Variants in M1AP observed in about 807,000 individuals in gnomAD.
The protein encoded by M1AP is meiosis 1 associated protein.
In M1AP, 39 loss-of-function variants were observed where a neutral mutation model predicts 51.2. That is an observed-to-expected ratio of 0.76 (90% CI 0.59 to 1.00). M1AP has a LOEUF of 1.00. Among genes scored for constraint, M1AP ranks in the 50% least tolerant of loss-of-function variants. The pLI is 0.00. For missense variants in M1AP, 545 were observed against 641.2 expected, an observed-to-expected ratio of 0.85 and a Z score of 1.62; for synonymous variants, 251 against 249.2, an observed-to-expected ratio of 1.01 and a Z score of -0.07.
At chr2:74,588,988 A>G (rs1049252946) in intron 4 of M1AP, among the ~76,000 whole-genome samples, 2 of 152,252 alleles carry the variant, frequency 1.3e-5, no homozygotes, top group East Asian at 3.8e-4. Flanking sequence ...AGAACAGATA[A>G]TAAGCAAGCA....
chr2:74,608,649 A>G (rs1005519613), intron 3 of M1AP, among the ~76,000 whole-genome samples: 2 of 152,240 alleles, frequency 1.3e-5, no homozygotes, highest in African/African-American at 4.8e-5. Flanking sequence ...TAGTTTTGTA[A>G]GAAACCATCA....
chr2:74,622,728 T>C (rs1366587697), intron 2 of M1AP, among the ~76,000 whole-genome samples: 1 of 151,406 alleles, frequency 6.6e-6, no homozygotes, highest in Admixed American at 6.6e-5. Context: ...AGCAAATAAA[T>C]TGGTAAATAT....
intron 2 of M1AP, chr2:74,619,172 AC>A: frequency 8.3e-6 from 2 of 240,654 alleles, no homozygotes; most frequent in Non-Finnish European, 8.6e-6. Flanking sequence ...CCTCCTACCC[AC>A]CAAAAGTCAA....
At chr2:74,604,491 C>T (rs1680854682) in intron 4 of M1AP, among the ~76,000 whole-genome samples, 2 of 152,190 alleles carry the variant, frequency 1.3e-5, no homozygotes, top group African/African-American at 4.8e-5. Context: ...CCCTCACATG[C>T]ACAGTTCACA....
At chr2:74,624,160 G>C (rs1489880502) in intron 2 of M1AP, among the ~76,000 whole-genome samples, 2 of 152,214 alleles carry the variant, frequency 1.3e-5, no homozygotes, top group African/African-American at 2.4e-5. Context: ...TGCTAGATCA[G>C]CATAAGCCAG....
At chr2:74,599,848 A>G (rs1289234411) in intron 4 of M1AP, among the ~76,000 whole-genome samples, 2 of 143,940 alleles carry the variant, frequency 1.4e-5, no homozygotes, top group Non-Finnish European at 3.0e-5. Context: ...TTTTTTTTTT[A>G]AAGAGGTGGA....
Position 74,558,434 on chromosome 2 carries a change from A to G in M1AP, c.*282T>C, listed in dbSNP as rs776461110. ...AGTTATGAATGCTCCTAACAATGGT[A>G]GAAGCTTACTGGGTGTTTAATCTTC... On this transcript the variant is annotated 3_prime_UTR_variant, in exon 11 of 11. Coordinates refer to ENST00000421985, the MANE Select transcript of M1AP (RefSeq NM_001321739.2). 6.5e-5 allele frequency: 25 copies of G among 384,462 alleles called. No individual in the cohort carries two copies. The highest frequency in any genetic ancestry group is 1.0e-4 in the Admixed American group (2 of 19,306). 23.8% of individuals were successfully genotyped at this position (384,462 alleles called of 1,614,324 possible).
intron 2 of M1AP, chr2:74,618,786 C>G: frequency 3.8e-6 from 1 of 261,378 alleles, no homozygotes; most frequent in Middle Eastern, 9.6e-4. Context: ...TTCAAAATGC[C>G]TCTGAAAGGC....
Position 74,576,959 on chromosome 2 carries a change from T to C in M1AP, c.770-341A>G, listed in dbSNP as rs570252649. On this transcript the variant is annotated intron_variant, in intron 5 of 10. Coordinates refer to ENST00000421985, the MANE Select transcript of M1AP (RefSeq NM_001321739.2). ...GGCTTGTGATCCAGTCTGAGGAACA[T>C]GTATCCTCTGTGGAGGAGGTAGCTA... 4.7e-3 allele frequency: 4,997 copies of C among 1,056,870 alleles called. 18 individuals carry two copies. The highest frequency in any genetic ancestry group is 8.1e-3 in the Middle Eastern group (20 of 2,456). 65.5% of individuals were successfully genotyped at this position (1,056,870 alleles called of 1,614,324 possible). A position where few individuals can be genotyped will look rare whatever the true frequency, so the allele number is the denominator to read the frequency against.
chr2:74,643,583 T>C (rs1349931106), intron 1 of M1AP, among the ~76,000 whole-genome samples: 1 of 149,594 alleles, frequency 6.7e-6, no homozygotes, highest in Non-Finnish European at 1.5e-5. Flanking sequence ...GGGGTGTTGG[T>C]AATGTTCTTT....
intron 8 of M1AP, 81 bp downstream of exon 8, chr2:74,562,136 T>G: frequency 6.6e-7 from 1 of 1,519,438 alleles, no homozygotes; most frequent in Non-Finnish European, 8.8e-7. Flanking sequence ...CATTCCCTCA[T>G]GGGCTCACTC....
intron 1 of M1AP, among the ~76,000 whole-genome samples, chr2:74,641,847 AT>A (rs10709998): frequency 0.05 from 7,050 of 142,142 alleles, 310 homozygotes; most frequent in African/African-American, 0.13. Flanking sequence ...TCCTCAACTA[AT>A]TTTTTTTTTT....
chr2:74,568,587 C>G (rs1558649032), intron 7 of M1AP, among the ~76,000 whole-genome samples: 1 of 151,838 alleles, frequency 6.6e-6, no homozygotes, highest in Non-Finnish European at 1.5e-5. Context: ...TTGGTGGAGA[C>G]TTGGTGGTGG....
chr2:74,594,350 G>T (rs1397294240), intron 4 of M1AP, among the ~76,000 whole-genome samples: 1 of 151,986 alleles, frequency 6.6e-6, no homozygotes, highest in Non-Finnish European at 1.5e-5. Context: ...ATTTTGAAGT[G>T]GCATAATTAG....
chr2:74,568,680 TAAGGAGAAAG>T (rs542536766), intron 7 of M1AP, among the ~76,000 whole-genome samples: 141 of 152,238 alleles, frequency 9.3e-4, no homozygotes, highest in African/African-American at 3.3e-3. Context: ...CAAAAACACT[TAAGGAGAAAG>T]CTTCCAAAAA....
chr2:74,561,968 C>T, intron 8 of M1AP: 2 of 985,390 alleles, frequency 2.0e-6, no homozygotes, highest in Non-Finnish European at 2.4e-6. Context: ...TATCCCTTTT[C>T]TCTCCCAGTT....
intron 2 of M1AP, among the ~76,000 whole-genome samples, chr2:74,616,796 T>C (rs1681693029): frequency 6.6e-6 from 1 of 152,234 alleles, no homozygotes; most frequent in African/African-American, 2.4e-5. Context: ...GAAATGTTTC[T>C]CTTAATAATT....
intron 7 of M1AP, among the ~76,000 whole-genome samples, chr2:74,572,653 T>C (rs1678819923): frequency 6.6e-6 from 1 of 152,214 alleles, no homozygotes; most frequent in Non-Finnish European, 1.5e-5. Context: ...TGTGTGACCT[T>C]AGGTAACTTA....
At chr2:74,619,708 C>T (rs1274696096) in intron 2 of M1AP, among the ~76,000 whole-genome samples, 2 of 152,120 alleles carry the variant, frequency 1.3e-5, no homozygotes, top group African/African-American at 4.8e-5. Flanking sequence ...GTTAACTAAT[C>T]CATAGTGTTC....
Sources: gnomAD v4.1 joint callset for allele counts (sites outside exome capture counted in the v4.1 genomes callset) on GRCh38, gnomAD v4.1.1 for gene constraint, MANE v1.5 for transcripts, NCBI Gene and HGNC (gene_info 2026-07-23, HGNC 2026-07-21) for gene names.